ZC3H7A: variants seen among roughly 807,000 people sequenced by gnomAD.
ZC3H7A encodes zinc finger CCCH-type containing 7A.
A neutral mutation model predicts 125.5 loss-of-function variants in ZC3H7A; 44 were observed. That is an observed-to-expected ratio of 0.35 (90% CI 0.28 to 0.45). The LOEUF is 0.45. Among genes scored for constraint, ZC3H7A ranks in the 20% least tolerant of loss-of-function variants. The probability of loss-of-function intolerance (pLI) is 1.00; values close to 1 mark genes in which losing one functional copy is unlikely to be tolerated. For synonymous variants in ZC3H7A, 399 were observed against 391.2 expected (o/e 1.02, Z -0.23); for missense variants, 977 against 1,170.7 (o/e 0.83, Z 2.41).
In ZC3H7A at chr16:11,770,979, A is replaced by G; in HGVS notation, c.912T>C (p.Ala304=). 1 of 1,594,930 alleles carries G rather than the reference A, an allele frequency of 6.3e-7. No homozygotes were observed. Among genetic ancestry groups the G allele is most frequent in the African/African-American group, 1.3e-5 (1 of 74,130 alleles). The change falls in exon 10 of 23, where the codon GCT becomes GCC. Residue 304 remains alanine, a synonymous_variant. Coordinates refer to ENST00000355758, the MANE Select transcript of ZC3H7A (RefSeq NM_014153.4). ...PETNETVMPS[A]LVRGPLQTAS... ...CTGTCTGAAGGGGTCCTCTGACTAA[A>G]GCTGACGGCTGCGGAAGAAAAAAAG...
At chr16:11,796,110 G>C (rs916917371) in intron 1 of ZC3H7A, 2 of 152,250 alleles carry the variant, frequency 1.3e-5, no homozygotes, top group Non-Finnish European at 2.9e-5. Flanking sequence ...TGGGATGACA[G>C]GCATGAGCCA....
intron 1 of ZC3H7A, among the ~76,000 whole-genome samples, chr16:11,785,441 G>T (rs928275765): frequency 2.6e-5 from 4 of 152,020 alleles, no homozygotes; most frequent in Non-Finnish European, 5.9e-5. Flanking sequence ...ATGAGGTCAG[G>T]GCTGTAGTGA....
chr16:11,774,949 C>A (rs2141197797), intron 8 of ZC3H7A, 31 bp downstream of exon 8: 1 of 1,612,476 alleles, frequency 6.2e-7, no homozygotes, highest in South Asian at 1.1e-5. Context: ...TGGCACTATT[C>A]AAATTGTTAA....
chr16:11,779,404 C>T, intron 3 of ZC3H7A, 41 bp from the exon 4 acceptor site: 1 of 1,567,402 alleles, frequency 6.4e-7, no homozygotes, highest in South Asian at 1.2e-5. Context: ...TTTTATCAAA[C>T]AAGATATGGT....
chr16:11,753,544 T>G (rs1050838064), intron 21 of ZC3H7A: 1 of 152,410 alleles, frequency 6.6e-6, no homozygotes, highest in Non-Finnish European at 1.5e-5. Context: ...TGGGCTCAAG[T>G]GGTCCTCCCA....
At position 11,757,204 on chromosome 16, in the gene ZC3H7A, G is replaced by C. The variant is rs146154519; in HGVS notation, c.2429-834C>G. ...AGGGGAGTGGCAAAATTTGTTCCCA[G>C]CCGGGCACGGTGGCTCACGCCTGTA... On this transcript the variant is annotated intron_variant, in intron 20 of 22. Transcript: ENST00000355758. 1.2e-3 allele frequency among the ~76,000 whole-genome samples: 181 copies of C among 152,236 alleles called. 1 individual carries two copies. The highest frequency in any genetic ancestry group is 4.2e-3 in the African/African-American group (175 of 41,536).
In ZC3H7A at chr16:11,763,494, T is replaced by G. The variant is rs2052789036; in HGVS notation, c.1986A>C (p.Ile662=). 1 of 1,602,738 alleles carries G rather than the reference T, an allele frequency of 6.2e-7. No homozygotes were observed. The highest frequency in any genetic ancestry group is 1.3e-5 in the African/African-American group (1 of 74,432). The change falls in exon 16 of 23, where the codon ATA becomes ATC. Residue 662 remains isoleucine (I), a synonymous_variant. Transcript: ENST00000355758. ...CAAACCTACCTGTTTCATTTTGCAT[T>G]ATCCAGACTTTCAGTTCCACAAGAC... is the stretch of plus-strand genomic sequence containing the variant. The part of the protein sequence containing the change: ...AHSLVELKVW[I]MQNETGISHD...
At chr16:11,788,995 A>C (rs146042499) in intron 1 of ZC3H7A, among the ~76,000 whole-genome samples, 56 of 152,280 alleles carry the variant, frequency 3.7e-4, no homozygotes, top group Non-Finnish European at 6.3e-4. Context: ...AAACTGCATA[A>C]TACTACACAC....
In ZC3H7A at chr16:11,776,276, C is replaced by T. The variant is rs753960812; in HGVS notation, c.585+44G>A. On this transcript the variant is annotated intron_variant, in intron 7 of 22. Coordinates refer to ENST00000355758, the MANE Select transcript of ZC3H7A (RefSeq NM_014153.4). ...TAAAAGTAGAATTGCTCCCATCCTT[C>T]CCTTTAAAAAAAAATATAATTTTGA... The T allele has an allele frequency of 1.2e-5, 19 of 1,546,224 alleles. No individual in the cohort carries two copies. The East Asian group carries it at 4.4e-4, about 36-fold the overall frequency.
chr16:11,776,899 T>G lies in ZC3H7A; in HGVS notation c.317A>C (p.Asp106Ala). The G allele has an allele frequency of 6.3e-7, 1 of 1,597,922 alleles. No homozygotes were observed. Among genetic ancestry groups the G allele is most frequent in the Non-Finnish European group, 8.5e-7 (1 of 1,174,940 alleles). Residue 106 changes from aspartate to alanine, a missense_variant, in exon 5 of 23, where the codon GAT becomes GCT. Asp to Ala is a moderately radical substitution (Grantham distance 126). Coordinates refer to ENST00000355758, the MANE Select transcript of ZC3H7A (RefSeq NM_014153.4). The part of the protein sequence containing the change: ...IACYSNMGFH[D>A]KVLEDCNIVL... ...TATATTGCAGTCCTCCAAAACTTTATCATGGAAACCCTGGTGTGTAAGACC... is the reference window on the plus strand; with the variant it reads ...TATATTGCAGTCCTCCAAAACTTTAGCATGGAAACCCTGGTGTGTAAGACC...
At chr16:11,766,850 T>A (rs1483117262) in intron 13 of ZC3H7A, among the ~76,000 whole-genome samples, 1 of 151,820 alleles carries the variant, frequency 6.6e-6, no homozygotes, top group Non-Finnish European at 1.5e-5. Context: ...GCCACTACAC[T>A]CCAGCCTGGA....
At chr16:11,770,039 G>C (rs932478227) in intron 10 of ZC3H7A, among the ~76,000 whole-genome samples, 1 of 151,502 alleles carries the variant, frequency 6.6e-6, no homozygotes. Flanking sequence ...CTCCTGACTC[G>C]GCCTCCCAAA....
In ZC3H7A at chr16:11,757,943, C is replaced by T. The variant is rs75988095; in HGVS notation, c.2428+488G>A. Among the ~76,000 whole-genome samples, 1,184 of 152,326 alleles carry T rather than the reference C, an allele frequency of 7.8e-3. 7 individuals carry two copies. Among genetic ancestry groups the T allele is most frequent in the Non-Finnish European group, 0.012 (819 of 68,032 alleles). On this transcript the variant is annotated intron_variant, in intron 20 of 22. Coordinates refer to ENST00000355758, the MANE Select transcript of ZC3H7A (RefSeq NM_014153.4). ...CAAAAGTGAAAGGCTGTCTGCGGCT[C>T]CTCTCAAAGGCTCCCACAATAAACT...
In ZC3H7A at chr16:11,782,387, A is replaced by G. The variant is rs201370278; in HGVS notation, c.-33T>C. On this transcript the variant is annotated splice_region_variant and 5_prime_UTR_variant, in exon 2 of 23. Coordinates refer to ENST00000355758, the MANE Select transcript of ZC3H7A (RefSeq NM_014153.4). The stretch of plus-strand genomic sequence containing the variant: ...CACACATCCACTTTCTAAATGAGCA[A>G]TCTGGAAAGAAACAAGGCAAAAAAG... 2.5e-6 allele frequency: 4 copies of G among 1,613,550 alleles called. No homozygotes were observed. The highest frequency in any genetic ancestry group is 4.5e-5 in the East Asian group (2 of 44,870).
At position 11,756,584 on chromosome 16, in the gene ZC3H7A, A is replaced by G. The variant is rs570762590; in HGVS notation, c.2429-214T>C. On this transcript the variant is annotated intron_variant, in intron 20 of 22. Coordinates refer to ENST00000355758, the MANE Select transcript of ZC3H7A (RefSeq NM_014153.4). ...TACTTTCAGGACTGTTAGATGGCAA[A>G]TATTAGTTCTCAGGATTAATTAACC... 1.2e-3 allele frequency among the ~76,000 whole-genome samples: 179 copies of G among 152,308 alleles called. 7 individuals are homozygous for G. The South Asian group carries it at 0.035, about 30-fold the overall frequency.
intron 17 of ZC3H7A, among the ~76,000 whole-genome samples, chr16:11,762,303 T>C (rs2052765921): frequency 6.6e-6 from 1 of 152,140 alleles, no homozygotes; most frequent in Admixed American, 6.6e-5. Flanking sequence ...AATTGTTTCA[T>C]TTGGGTCAGG....
Position 11,751,015 on chromosome 16 carries a change from A to C in ZC3H7A, c.*302T>G. 4.6e-6 allele frequency: 1 copy of C among 216,890 alleles called. No individual in the cohort carries two copies. Among genetic ancestry groups the C allele is most frequent in the Non-Finnish European group, 9.0e-6 (1 of 110,554 alleles). 13.4% of individuals were successfully genotyped at this position (216,890 alleles called of 1,614,324 possible). On this transcript the variant is annotated 3_prime_UTR_variant, in exon 23 of 23. Coordinates refer to ENST00000355758, the MANE Select transcript of ZC3H7A (RefSeq NM_014153.4). ...GTCACGATTCTTATATGAAGGACCA[A>C]CTCAAAGAGTTGTCCTAGATATAAC...
At chr16:11,768,252 T>C in intron 12 of ZC3H7A, 63 bp downstream of exon 12, 3 of 1,343,488 alleles carry the variant, frequency 2.2e-6, no homozygotes, top group Non-Finnish European at 2.9e-6. Flanking sequence ...TACAAATTCC[T>C]AAGAACTTTC....
intron 15 of ZC3H7A, among the ~76,000 whole-genome samples, chr16:11,764,137 G>A (rs1049714224): frequency 5.9e-5 from 9 of 152,120 alleles, no homozygotes; most frequent in African/African-American, 2.2e-4. Flanking sequence ...TGGGGGCTGG[G>A]CACAGTGGCT....
Sources: gnomAD v4.1 joint callset for allele counts (sites outside exome capture counted in the v4.1 genomes callset) on GRCh38, gnomAD v4.1.1 for gene constraint, MANE v1.5 for transcripts, NCBI Gene and HGNC (gene_info 2026-07-23, HGNC 2026-07-21) for gene names.